Variants in PRKG1 observed in about 807,000 individuals in gnomAD.
PRKG1 encodes protein kinase cGMP-dependent 1.
Under a neutral mutation model 88.1 loss-of-function variants are expected in PRKG1, and 35 were observed. The observed-to-expected ratio is 0.40, with a 90% CI of 0.30 to 0.53. The LOEUF (loss-of-function observed/expected upper bound fraction) is 0.53. Among genes scored for constraint, PRKG1 ranks in the 20% least tolerant of loss-of-function variants. The pLI is 0.59. For missense variants in PRKG1, 540 were observed against 839.8 expected, an observed-to-expected ratio of 0.64 and a Z score of 4.41; for synonymous variants, 303 against 292.5, an observed-to-expected ratio of 1.04 and a Z score of -0.37.
At chr10:51,212,385 C>A (rs1330564172) in intron 2 of PRKG1, among the ~76,000 whole-genome samples, 1 of 152,176 alleles carries the variant, frequency 6.6e-6, no homozygotes, top group East Asian at 1.9e-4. Flanking sequence ...TTAGGCAATA[C>A]CATTCAGGAC....
chr10:50,993,120 TTGTGTATTGATTATA>T (rs1279349508), intron 1 of PRKG1, among the ~76,000 whole-genome samples: 1 of 152,006 alleles, frequency 6.6e-6, no homozygotes, highest in African/African-American at 2.4e-5. Flanking sequence ...GGAGTCCCTC[TTGTGTATTGATTATA>T]TGGGATGGGG....
At chr10:51,933,982 ATATTT>A (rs1384808997) in intron 5 of PRKG1, among the ~76,000 whole-genome samples, 4 of 152,158 alleles carry the variant, frequency 2.6e-5, no homozygotes, top group Non-Finnish European at 5.9e-5. Flanking sequence ...TAAAGTACAA[ATATTT>A]TGTTTTGAGT....
chr10:51,732,353 C>T (rs1363069975), intron 3 of PRKG1, among the ~76,000 whole-genome samples: 1 of 151,982 alleles, frequency 6.6e-6, no homozygotes, highest in South Asian at 2.1e-4. Context: ...GGTATGGGGG[C>T]GAACACAATT....
At chr10:51,191,709 G>A (rs1300263985) in intron 2 of PRKG1, among the ~76,000 whole-genome samples, 1 of 151,738 alleles carries the variant, frequency 6.6e-6, no homozygotes, top group Non-Finnish European at 1.5e-5. Flanking sequence ...CTGAGGCTTA[G>A]AGGTATTCAG....
rs1216189553 is a variant in PRKG1, at chr10:52,296,068, T to C, written c.*2168T>C. 6.6e-6 allele frequency: 1 copy of C among 152,016 alleles called. No individual in the cohort carries two copies. The highest frequency in any genetic ancestry group is 1.5e-5 in the Non-Finnish European group (1 of 67,928). 9.4% of individuals were successfully genotyped at this position (152,016 alleles called of 1,614,324 possible). A position where few individuals can be genotyped will look rare whatever the true frequency, so the allele number is the denominator to read the frequency against. ...GCTTTTTAAAAATATGTAATTCCAA[T>C]ATTATAGTGAATGTTCAGTAACTTT... is the stretch of plus-strand genomic sequence containing the variant. On this transcript the variant is annotated 3_prime_UTR_variant, in exon 18 of 18. Transcript: ENST00000373980.
intron 3 of PRKG1, among the ~76,000 whole-genome samples, chr10:51,488,211 C>T (rs150301782): frequency 2.0e-5 from 3 of 152,230 alleles, no homozygotes; most frequent in Middle Eastern, 3.4e-3. Flanking sequence ...TCTAAAAATT[C>T]ATTCTTATAG....
intron 1 of PRKG1, among the ~76,000 whole-genome samples, chr10:51,097,828 C>T (rs570071374): frequency 3.4e-4 from 52 of 152,226 alleles, no homozygotes; most frequent in African/African-American, 1.2e-3. Context: ...TTCTTCTTCC[C>T]GAGAGATTTT....
At chr10:51,290,684 C>G (rs1053178893) in intron 2 of PRKG1, among the ~76,000 whole-genome samples, 2 of 152,012 alleles carry the variant, frequency 1.3e-5, no homozygotes, top group Non-Finnish European at 2.9e-5. Flanking sequence ...CTCCTTAGGC[C>G]ACCCCACCCC....
At chr10:51,302,343 A>T (rs1335837107) in intron 2 of PRKG1, among the ~76,000 whole-genome samples, 1 of 152,202 alleles carries the variant, frequency 6.6e-6, no homozygotes, top group African/African-American at 2.4e-5. Flanking sequence ...GTAAAATATT[A>T]TTCATTTTAG....
At chr10:51,280,930 G>A (rs974434175) in intron 2 of PRKG1, among the ~76,000 whole-genome samples, 1 of 152,158 alleles carries the variant, frequency 6.6e-6, no homozygotes, top group Admixed American at 6.5e-5. Flanking sequence ...CTTTGGAGGG[G>A]GAGAGGTGCT....
intron 8 of PRKG1, among the ~76,000 whole-genome samples, chr10:52,138,574 A>T (rs1837491011): frequency 6.6e-6 from 1 of 152,080 alleles, no homozygotes; most frequent in Admixed American, 6.6e-5. Context: ...TGATTTATAC[A>T]GCACACATGG....
chr10:51,628,991 A>C (rs1286609249), intron 3 of PRKG1, among the ~76,000 whole-genome samples: 5 of 151,252 alleles, frequency 3.3e-5, no homozygotes, highest in African/African-American at 1.2e-4. Context: ...AAAAACAAAA[A>C]CCAAAAAAAC....
chr10:51,320,788 T>A (rs10996822), intron 2 of PRKG1: 1 of 152,220 alleles, frequency 6.6e-6, no homozygotes, highest in African/African-American at 2.4e-5. Context: ...GCAAAATGTA[T>A]TTTATAACTC....
rs1289499293 is a variant in PRKG1 at position 51,930,848 on chromosome 10, G to C, written c.762+23278G>C. ...AACGTAGTAGTTTTCATTATGTTTT[G>C]TTTTAAAATATTCTCACTTAGGAAA... On this transcript the variant is annotated intron_variant, in intron 5 of 17. Coordinates refer to ENST00000373980, the MANE Select transcript of PRKG1 (RefSeq NM_006258.4). Among the ~76,000 whole-genome samples the C allele has an allele frequency of 2.0e-5, 3 of 152,050 alleles. No individual in the cohort carries two copies. In the East Asian group the frequency reaches 5.8e-4, roughly 29 times the overall value.
intron 2 of PRKG1, among the ~76,000 whole-genome samples, chr10:51,246,138 TTGC>T (rs1347012537): frequency 6.6e-6 from 1 of 152,082 alleles, no homozygotes; most frequent in African/African-American, 2.4e-5. Context: ...AGATTTGCAC[TTGC>T]TGCTCCGCAA....
At chr10:51,671,039 T>C (rs892367022) in intron 3 of PRKG1, among the ~76,000 whole-genome samples, 1 of 152,174 alleles carries the variant, frequency 6.6e-6, no homozygotes, top group East Asian at 1.9e-4. Flanking sequence ...TATCTTATAT[T>C]TTAGAGATTT....
At chr10:51,949,482 T>G (rs564054644) in intron 5 of PRKG1, among the ~76,000 whole-genome samples, 63 of 151,292 alleles carry the variant, frequency 4.2e-4, no homozygotes, top group Non-Finnish European at 6.6e-4. Context: ...ATAAATAAAA[T>G]TTGGTTTAGA....
intron 1 of PRKG1, among the ~76,000 whole-genome samples, chr10:51,078,479 C>T (rs930364791): frequency 2.7e-5 from 4 of 150,844 alleles, no homozygotes; most frequent in Non-Finnish European, 5.9e-5. Flanking sequence ...ATCAGCCCAC[C>T]TGGGCCTCCA....
intron 1 of PRKG1, among the ~76,000 whole-genome samples, chr10:51,067,270 G>GTATATATATATATATA (rs10612353): frequency 6.1e-5 from 9 of 146,710 alleles, no homozygotes; most frequent in Admixed American, 3.4e-4. Flanking sequence ...ATGTATGTGT[G>GTATATATATATATATA]TATATATATA....
Sources: gnomAD v4.1 joint callset for allele counts (sites outside exome capture counted in the v4.1 genomes callset) on GRCh38, gnomAD v4.1.1 for gene constraint, MANE v1.5 for transcripts, NCBI Gene and HGNC (gene_info 2026-07-23, HGNC 2026-07-21) for gene names.